The following CENPP variants were observed in gnomAD, a reference collection of about 807,000 sequenced individuals.
CENPP encodes the protein centromere protein P.
Under a neutral mutation model 35.6 loss-of-function variants are expected in CENPP, and 24 were observed. That is an observed-to-expected ratio of 0.67 (90% CI 0.49 to 0.95). The LOEUF is 0.95. CENPP is among the 40% of genes least tolerant of loss of function. CENPP has a pLI of 0.00. For missense variants in CENPP, 332 were observed against 345.3 expected (o/e 0.96, Z 0.31); for synonymous variants, 120 against 125.5 (o/e 0.96, Z 0.29).
intron 5 of CENPP, among the ~76,000 whole-genome samples, chr9:92,446,827 A>AT (rs1564324362): frequency 6.7e-6 from 1 of 149,498 alleles, no homozygotes; most frequent in African/African-American, 2.5e-5. Flanking sequence ...AAAAAAAAAA[A>AT]TAGAAAAGAA....
chr9:92,410,447 G>T (rs1456038234), intron 5 of CENPP, among the ~76,000 whole-genome samples: 1 of 152,180 alleles, frequency 6.6e-6, no homozygotes, highest in Non-Finnish European at 1.5e-5. Flanking sequence ...ACACTCTGGG[G>T]CAGGGAAGCC....
intron 5 of CENPP, among the ~76,000 whole-genome samples, chr9:92,521,391 G>T (rs1487527840): frequency 1.3e-5 from 2 of 151,986 alleles, no homozygotes; most frequent in Non-Finnish European, 2.9e-5. Context: ...ATGTTTTTAA[G>T]TTGATTTCTC....
chr9:92,553,767 T>C (rs908808111), intron 5 of CENPP, among the ~76,000 whole-genome samples: 7 of 152,214 alleles, frequency 4.6e-5, no homozygotes, highest in African/African-American at 1.4e-4. Flanking sequence ...ATTAATCTTG[T>C]TTCTGGAAAC....
At chr9:92,591,409 ACT>A (rs1412368533) in intron 5 of CENPP, among the ~76,000 whole-genome samples, 2 of 151,248 alleles carry the variant, frequency 1.3e-5, no homozygotes, top group East Asian at 3.9e-4. Flanking sequence ...ACTGAGCAAG[ACT>A]CTGTCTCAAA....
At chr9:92,339,277 A>G (rs568872346) in intron 3 of CENPP, among the ~76,000 whole-genome samples, 1 of 152,238 alleles carries the variant, frequency 6.6e-6, no homozygotes, top group Non-Finnish European at 1.5e-5. Context: ...CCACAAAAAC[A>G]GTCCCAAGTT....
intron 5 of CENPP, among the ~76,000 whole-genome samples, chr9:92,553,611 A>C (rs548730232): frequency 6.6e-6 from 1 of 152,204 alleles, no homozygotes; most frequent in South Asian, 2.1e-4. Flanking sequence ...TTCCTTGTAG[A>C]GGTCTTTCGA....
At chr9:92,508,454 G>A (rs1847140215) in intron 5 of CENPP, among the ~76,000 whole-genome samples, 1 of 152,232 alleles carries the variant, frequency 6.6e-6, no homozygotes, top group Non-Finnish European at 1.5e-5. Context: ...CCAGGGGTGT[G>A]TGAAAGCACG....
chr9:92,389,185 A>G (rs1487528158), intron 5 of CENPP, among the ~76,000 whole-genome samples: 1 of 152,206 alleles, frequency 6.6e-6, no homozygotes, highest in Non-Finnish European at 1.5e-5. Flanking sequence ...TATCTGGGGA[A>G]TGATTACATC....
At position 92,450,620 on chromosome 9, in the gene CENPP, A is replaced by G. The variant is rs1227520051; in HGVS notation, c.564+70761A>G. Among the ~76,000 whole-genome samples the G allele has an allele frequency of 2.0e-5, 3 of 152,250 alleles. No homozygotes were observed. In the East Asian group the frequency reaches 5.8e-4, roughly 29 times the overall value. Reference sequence around the variant, plus strand: ...CTTTGGGTATATACTCAGTAATGGGATGTCTGGGTCTAATGGTATTTCTAG... The same window carrying G: ...CTTTGGGTATATACTCAGTAATGGGGTGTCTGGGTCTAATGGTATTTCTAG... On this transcript the variant is annotated intron_variant, in intron 5 of 7. Coordinates refer to ENST00000375587, the MANE Select transcript of CENPP (RefSeq NM_001012267.3).
chr9:92,471,103 G>A (rs1468158767), intron 5 of CENPP, among the ~76,000 whole-genome samples: 1 of 152,154 alleles, frequency 6.6e-6, no homozygotes, highest in Non-Finnish European at 1.5e-5. Context: ...AGCTTCTGTT[G>A]ATGTACCTTT....
In CENPP at chr9:92,616,496, TAG is replaced by T; in HGVS notation, c.*3349_*3350del. ...ACAAAACCCAACAAAAAGTAAAAAGTAGATCTGGCCATTCCAGCGCCAAATGG... is the reference window on the plus strand; with the variant it reads ...ACAAAACCCAACAAAAAGTAAAAAGTATCTGGCCATTCCAGCGCCAAATGG... On this transcript the variant is annotated 3_prime_UTR_variant, in exon 8 of 8. Transcript: ENST00000375587. The T allele has an allele frequency of 6.3e-6, 1 of 158,904 alleles. No individual in the cohort carries two copies. Among genetic ancestry groups the T allele is most frequent in the Non-Finnish European group, 1.4e-5 (1 of 71,968 alleles). 9.8% of individuals were successfully genotyped at this position (158,904 alleles called of 1,614,324 possible). A position where few individuals can be genotyped will look rare whatever the true frequency, so the allele number is the denominator to read the frequency against.
At chr9:92,372,099 C>CATTTTTTTTTTTTTTTTTT (rs1842022894) in intron 4 of CENPP, among the ~76,000 whole-genome samples, 1 of 30,680 alleles carries the variant, frequency 3.3e-5, no homozygotes, top group East Asian at 1.5e-3. Flanking sequence ...TGCCAGCCAT[C>CATTTTTTTTTTTTTTTTTT]TTTTTTTTTT....
intron 1 of CENPP, among the ~76,000 whole-genome samples, chr9:92,327,500 T>G (rs2130768207): frequency 6.6e-6 from 1 of 152,336 alleles, no homozygotes; most frequent in Non-Finnish European, 1.5e-5. Flanking sequence ...TGCTCACCTG[T>G]ACTGAATAAA....
chr9:92,599,455 C>T (rs559298153), intron 5 of CENPP, among the ~76,000 whole-genome samples: 33 of 152,186 alleles, frequency 2.2e-4, no homozygotes, highest in African/African-American at 7.9e-4. Context: ...ATCCCTCTGT[C>T]ACCCAGGCTG....
chr9:92,444,065 A>G (rs1296161614), intron 5 of CENPP, among the ~76,000 whole-genome samples: 2 of 152,218 alleles, frequency 1.3e-5, no homozygotes, highest in East Asian at 3.8e-4. Context: ...GATTTATGAT[A>G]CATATACACT....
At chr9:92,485,789 C>G (rs965064746) in intron 5 of CENPP, among the ~76,000 whole-genome samples, 5 of 152,194 alleles carry the variant, frequency 3.3e-5, no homozygotes, top group South Asian at 2.1e-4. Context: ...TCTCGGCCCC[C>G]CAAAGTGCTG....
chr9:92,485,637 C>T (rs756694322), intron 5 of CENPP, among the ~76,000 whole-genome samples: 2 of 152,184 alleles, frequency 1.3e-5, no homozygotes, highest in African/African-American at 2.4e-5. Context: ...AGTCCAAACA[C>T]AAATAAGAAC....
chr9:92,394,288 G>A (rs1037741029), intron 5 of CENPP, among the ~76,000 whole-genome samples: 9 of 152,002 alleles, frequency 5.9e-5, no homozygotes, highest in African/African-American at 2.2e-4. Flanking sequence ...TGTTGCTCAT[G>A]CTGGAGTGTG....
intron 5 of CENPP, chr9:92,457,082 A>G: frequency 1.5e-6 from 2 of 1,354,776 alleles, no homozygotes; most frequent in Non-Finnish European, 1.9e-6. Flanking sequence ...ACTGCAATAG[A>G]TGCTTGTTTC....
Sources: gnomAD v4.1 joint callset for allele counts (sites outside exome capture counted in the v4.1 genomes callset) on GRCh38, gnomAD v4.1.1 for gene constraint, MANE v1.5 for transcripts, NCBI Gene and HGNC (gene_info 2026-07-23, HGNC 2026-07-21) for gene names.